Variants in NUP35 observed in about 807,000 individuals in gnomAD.
NUP35 encodes nucleoporin 35, also known as nucleoporin NUP35.
A neutral mutation model predicts 41.5 loss-of-function variants in NUP35; 25 were observed. That is an observed-to-expected ratio of 0.60 (90% confidence interval 0.44 to 0.84). NUP35 has a LOEUF of 0.84. NUP35 is among the 40% of genes least tolerant of loss of function. The pLI, the probability that NUP35 is intolerant of heterozygous loss-of-function variation, is 0.00. For missense variants in NUP35, 396 were observed against 396.6 expected (o/e 1.00, Z 0.01); for synonymous variants, 149 against 130.7 (o/e 1.14, Z -0.96).
At chr2:183,123,621 A>G (rs1467994296), upstream of NUP35, among the ~76,000 whole-genome samples, 2 of 152,236 alleles carry the variant, frequency 1.3e-5, no homozygotes, top group East Asian at 1.9e-4. Flanking sequence ...GAACGTCCCC[A>G]GTTATACATA....
At chr2:183,159,804 TTTAAAG>T (rs2105624852) in intron 8 of NUP35, 152 bp downstream of exon 8, 3 of 550,636 alleles carry the variant, frequency 5.4e-6, no homozygotes, top group Non-Finnish European at 9.1e-6. Context: ...AGTTTTCTGC[TTTAAAG>T]TTAACATCTT....
At chr2:183,147,957 A>T (rs888906115) in intron 4 of NUP35, among the ~76,000 whole-genome samples, 6 of 150,914 alleles carry the variant, frequency 4.0e-5, no homozygotes, top group Non-Finnish European at 5.9e-5. Context: ...ATGGGATTAC[A>T]TTTTTGATTT....
intron 4 of NUP35, among the ~76,000 whole-genome samples, chr2:183,143,052 A>T (rs1270455782): frequency 1.3e-5 from 2 of 150,606 alleles, no homozygotes; most frequent in African/African-American, 2.4e-5. Flanking sequence ...GCTACTCGGG[A>T]GGCTGAGGCA....
intron 7 of NUP35, among the ~76,000 whole-genome samples, chr2:183,158,769 G>A (rs1685765036): frequency 6.6e-6 from 1 of 151,916 alleles, no homozygotes; most frequent in African/African-American, 2.4e-5. Context: ...TAAATGGAAT[G>A]GTACTATTTC....
intron 4 of NUP35, among the ~76,000 whole-genome samples, chr2:183,137,033 T>C (rs1468059806): frequency 1.3e-5 from 2 of 151,606 alleles, no homozygotes; most frequent in Non-Finnish European, 2.9e-5. Context: ...GAGGTTGGAG[T>C]GAGCTGAGAT....
intron 1 of NUP35, chr2:183,118,863 T>G (rs1249835629): frequency 1.3e-5 from 2 of 152,244 alleles, no homozygotes; most frequent in African/African-American, 4.8e-5. Context: ...TTTTACATGT[T>G]GGCATACTTC....
upstream of NUP35, chr2:183,123,897 T>A: frequency 1.2e-6 from 1 of 825,224 alleles, no homozygotes. Context: ...TTGTATGTTT[T>A]AATATGCAAC....
At chr2:183,155,697 G>T (rs1190805828) in intron 5 of NUP35, among the ~76,000 whole-genome samples, 2 of 151,382 alleles carry the variant, frequency 1.3e-5, no homozygotes, top group Non-Finnish European at 2.9e-5. Context: ...TCAGCCTCAT[G>T]AGTAGTTGGG....
chr2:183,135,041 C>G lies in NUP35; in HGVS notation c.397+1418C>G, dbSNP rs149993685. On this transcript the variant is annotated intron_variant, in intron 4 of 8. Coordinates refer to ENST00000295119, the MANE Select transcript of NUP35 (RefSeq NM_138285.5). ...ACTTTGTAACTCTTTGACCATTCTT[C>G]TGTAGTCATATCTCCCTCTCTCTTT... Among the ~76,000 whole-genome samples, 536 of 152,280 alleles carry G rather than the reference C, an allele frequency of 3.5e-3. 3 individuals carry two copies. The highest frequency in any genetic ancestry group is 0.012 in the African/African-American group (501 of 41,550).
intron 3 of NUP35, among the ~76,000 whole-genome samples, chr2:183,131,655 T>C (rs1413489410): frequency 3.9e-5 from 6 of 152,210 alleles, no homozygotes; most frequent in Non-Finnish European, 8.8e-5. Context: ...AGCTAGTCTT[T>C]ATTGAGATAC....
chr2:183,133,706 C>A, intron 4 of NUP35, 83 bp downstream of exon 4: 1 of 886,644 alleles, frequency 1.1e-6, no homozygotes, highest in South Asian at 2.0e-5. Context: ...GTGGTGTGAT[C>A]ACGGAGTAAA....
chr2:183,127,534 C>T (rs1684538703), intron 1 of NUP35, among the ~76,000 whole-genome samples: 1 of 152,040 alleles, frequency 6.6e-6, no homozygotes, highest in South Asian at 2.1e-4. Context: ...TTTGTAAGTG[C>T]TCTAATATAT....
Position 183,143,514 on chromosome 2 carries a change from A to G in NUP35, c.398-7994A>G, listed in dbSNP as rs141438181. On this transcript the variant is annotated intron_variant, in intron 4 of 8. Transcript: ENST00000295119. ...TGGTGTTCTGAATATGGGCAGGGGC[A>G]AATCTCCTTTTCAATGTGCAGATTT... 3.6e-3 allele frequency among the ~76,000 whole-genome samples: 542 copies of G among 152,292 alleles called. 3 individuals carry two copies. Among genetic ancestry groups the G allele is most frequent in the African/African-American group, 0.012 (507 of 41,564 alleles).
At chr2:183,156,588 A>C (rs1032615286) in intron 5 of NUP35, among the ~76,000 whole-genome samples, 1 of 151,868 alleles carries the variant, frequency 6.6e-6, no homozygotes, top group Non-Finnish European at 1.5e-5. Context: ...TGATCCACCC[A>C]CCTCGGCCTC....
At chr2:183,130,614 C>A in intron 3 of NUP35, 69 bp downstream of exon 3, 1 of 1,480,724 alleles carries the variant, frequency 6.8e-7, no homozygotes, top group South Asian at 1.2e-5. Context: ...CAGTGAGAGT[C>A]AATACTTTGA....
chr2:183,159,356 T>C (rs534330165), intron 7 of NUP35, 132 bp from the exon 8 acceptor site: 1 of 724,290 alleles, frequency 1.4e-6, no homozygotes, highest in East Asian at 2.9e-5. Flanking sequence ...AGCCTAAAAT[T>C]ATTTGCAAGT....
At chr2:183,144,782 TTAAC>T (rs373689606) in intron 4 of NUP35, among the ~76,000 whole-genome samples, 155 of 152,334 alleles carry the variant, frequency 1.0e-3, no homozygotes, top group African/African-American at 3.0e-3. Context: ...CAATTAAACA[TTAAC>T]TAGGTGGGGG....
rs1684949458 is a variant in NUP35 at position 183,138,206 on chromosome 2, A to G, written c.397+4583A>G. Among the ~76,000 whole-genome samples the G allele has an allele frequency of 1.3e-5, 2 of 149,160 alleles. 1 individual carries two copies. Among genetic ancestry groups the G allele is most frequent in the South Asian group, 4.2e-4 (2 of 4,742 alleles). On this transcript the variant is annotated intron_variant, in intron 4 of 8. Transcript: ENST00000295119. The stretch of plus-strand genomic sequence containing the variant: ...CAAGAAATAGAAAAAGAGAATTGAC[A>G]GGAAAATTGAGGGGAAAACCTAGAT...
chr2:183,134,414 A>G (rs1352741414), intron 4 of NUP35, among the ~76,000 whole-genome samples: 2 of 152,140 alleles, frequency 1.3e-5, no homozygotes, highest in African/African-American at 2.4e-5. Context: ...GAGGGGGTAG[A>G]GACTTAGAGT....
Sources: gnomAD v4.1 joint callset for allele counts (sites outside exome capture counted in the v4.1 genomes callset) on GRCh38, gnomAD v4.1.1 for gene constraint, MANE v1.5 for transcripts, NCBI Gene and HGNC (gene_info 2026-07-23, HGNC 2026-07-21) for gene names.